Variants in RAB11FIP4 observed in about 807,000 individuals in gnomAD.
RAB11FIP4 encodes the protein RAB11 family interacting protein 4.
A neutral mutation model predicts 74.3 loss-of-function variants in RAB11FIP4; 23 were observed. The observed-to-expected ratio is 0.31, with a 90% CI of 0.22 to 0.44. The LOEUF is 0.44. Among genes scored for constraint, RAB11FIP4 ranks in the 20% least tolerant of loss-of-function variants. The pLI is 1.00. For synonymous variants in RAB11FIP4, 360 were observed against 359.9 expected (o/e 1.00, Z 0.00); for missense variants, 630 against 863.9 (o/e 0.73, Z 3.39).
chr17:31,506,225 TGTG>T (rs1381127638), intron 3 of RAB11FIP4, among the ~76,000 whole-genome samples: 1 of 152,250 alleles, frequency 6.6e-6, no homozygotes, highest in African/African-American at 2.4e-5. Flanking sequence ...GTATTACTGA[TGTG>T]GTAGAGTTTT....
intron 10 of RAB11FIP4, 81 bp from the exon 11 acceptor site, chr17:31,527,761 G>A (rs2072792224): frequency 1.0e-6 from 1 of 983,038 alleles, no homozygotes; most frequent in Non-Finnish European, 1.5e-6. Context: ...GGAGGAAGCA[G>A]AGAATCACTG....
chr17:31,498,139 A>G (rs530121836), intron 3 of RAB11FIP4, among the ~76,000 whole-genome samples: 3 of 152,162 alleles, frequency 2.0e-5, no homozygotes, highest in South Asian at 2.1e-4. Flanking sequence ...GGAGCTCACA[A>G]GCTCTTAGAG....
chr17:31,491,076 G>A (rs1193308366), intron 3 of RAB11FIP4, among the ~76,000 whole-genome samples: 1 of 152,146 alleles, frequency 6.6e-6, no homozygotes, highest in Admixed American at 6.5e-5. Flanking sequence ...CTGGATTATT[G>A]GGTGGTCCCA....
chr17:31,416,161 C>T (rs1023352825), intron 1 of RAB11FIP4, among the ~76,000 whole-genome samples: 1 of 152,202 alleles, frequency 6.6e-6, no homozygotes, highest in Non-Finnish European at 1.5e-5. Flanking sequence ...TCTTGAAATT[C>T]GTGGTAATGT....
At chr17:31,445,571 T>C (rs1567658364) in intron 3 of RAB11FIP4, among the ~76,000 whole-genome samples, 4 of 11,372 alleles carry the variant, frequency 3.5e-4, no homozygotes, top group African/African-American at 1.4e-3. Flanking sequence ...TATATATATA[T>C]ATATATATTT....
At chr17:31,445,391 G>T (rs1450954025) in intron 3 of RAB11FIP4, among the ~76,000 whole-genome samples, 1 of 151,320 alleles carries the variant, frequency 6.6e-6, no homozygotes, top group African/African-American at 2.4e-5. Context: ...TTGCGGACAT[G>T]ACACTTCATC....
chr17:31,414,801 G>A lies in RAB11FIP4; in HGVS notation c.160-17012G>A, dbSNP rs900070534. Among the ~76,000 whole-genome samples the A allele has an allele frequency of 6.6e-5, 10 of 152,346 alleles. 1 individual carries two copies. Among genetic ancestry groups the A allele is most frequent in the African/African-American group, 1.9e-4 (8 of 41,578 alleles). On this transcript the variant is annotated intron_variant, in intron 1 of 14. Transcript: ENST00000621161. ...TATCCCAGTGGGTCCCTGAGGCGGG[G>A]TCCTTCATTGGGCAGGGGCCCTCCA...
chr17:31,459,495 T>C (rs976270107), intron 3 of RAB11FIP4, among the ~76,000 whole-genome samples: 4 of 151,946 alleles, frequency 2.6e-5, no homozygotes, highest in African/African-American at 9.7e-5. Context: ...ATTATTATTA[T>C]TATTATTATT....
chr17:31,461,905 A>T (rs1235024718), intron 3 of RAB11FIP4, among the ~76,000 whole-genome samples: 1 of 152,148 alleles, frequency 6.6e-6, no homozygotes, highest in African/African-American at 2.4e-5. Flanking sequence ...AAAGTTTGAG[A>T]CACACTTTTG....
chr17:31,496,991 A>G lies in RAB11FIP4; in HGVS notation c.337-20660A>G, dbSNP rs77585528. 5.3e-3 allele frequency among the ~76,000 whole-genome samples: 803 copies of G among 152,338 alleles called. 5 individuals are homozygous for G. Among genetic ancestry groups the G allele is most frequent in the African/African-American group, 0.018 (752 of 41,574 alleles). ...CTTGAACCTGTGTATTCTCATCTAA[A>G]TAGTGGCTGATGCACAGAAATACCT... On this transcript the variant is annotated intron_variant, in intron 3 of 14. Coordinates refer to ENST00000621161, the MANE Select transcript of RAB11FIP4 (RefSeq NM_032932.6).
At chr17:31,430,352 ATTTT>A (rs56078412) in intron 1 of RAB11FIP4, among the ~76,000 whole-genome samples, 9 of 111,758 alleles carry the variant, frequency 8.1e-5, no homozygotes, top group South Asian at 2.9e-4. Flanking sequence ...TGGAGTTTGG[ATTTT>A]TTTTTTTTTT....
chr17:31,454,167 A>T (rs1487346014), intron 3 of RAB11FIP4, among the ~76,000 whole-genome samples: 1 of 152,248 alleles, frequency 6.6e-6, no homozygotes, highest in Non-Finnish European at 1.5e-5. Context: ...AAATGCTCCA[A>T]CATTGTATTA....
intron 4 of RAB11FIP4, among the ~76,000 whole-genome samples, chr17:31,520,608 C>T (rs961496069): frequency 6.6e-6 from 1 of 152,080 alleles, no homozygotes; most frequent in African/African-American, 2.4e-5. Context: ...CCCGGGTTCA[C>T]GCCATTCTCC....
At chr17:31,476,982 TAA>T (rs1296379983) in intron 3 of RAB11FIP4, among the ~76,000 whole-genome samples, 1 of 152,230 alleles carries the variant, frequency 6.6e-6, no homozygotes, top group African/African-American at 2.4e-5. Context: ...ATTCAGGGGA[TAA>T]ACTTGGGCAG....
At chr17:31,399,935 C>T (rs2070968781) in intron 1 of RAB11FIP4, among the ~76,000 whole-genome samples, 1 of 144,970 alleles carries the variant, frequency 6.9e-6, no homozygotes, top group African/African-American at 2.6e-5. Context: ...CTCAGCTACT[C>T]GGGAGGCTGA....
chr17:31,523,689 C>G, intron 8 of RAB11FIP4, 78 bp downstream of exon 8: 1 of 1,414,478 alleles, frequency 7.1e-7, no homozygotes, highest in Non-Finnish European at 1.0e-6. Flanking sequence ...AGGCTACTGT[C>G]TGGGGACTTG....
At chr17:31,412,256 T>A (rs1299766175) in intron 1 of RAB11FIP4, among the ~76,000 whole-genome samples, 2 of 152,186 alleles carry the variant, frequency 1.3e-5, no homozygotes, top group Non-Finnish European at 2.9e-5. Context: ...TTTAATGTCC[T>A]GTGCAAGGGA....
rs546700375 is a variant in RAB11FIP4 at position 31,399,725 on chromosome 17, T to C, written c.159+7714T>C. Reference sequence around the variant, plus strand: ...GAGACTCAGTCTCAAAAAATAAAAATAAATACATAAATACAAATAAAAAAT... The same window carrying C: ...GAGACTCAGTCTCAAAAAATAAAAACAAATACATAAATACAAATAAAAAAT... On this transcript the variant is annotated intron_variant, in intron 1 of 14. Transcript: ENST00000621161. Among the ~76,000 whole-genome samples the C allele has an allele frequency of 2.8e-5, 4 of 141,686 alleles. No homozygotes were observed. The South Asian group carries it at 6.7e-4, about 24-fold the overall frequency. 93.0% of individuals were successfully genotyped at this position (141,686 alleles called of 152,430 possible). A position where few individuals can be genotyped will look rare whatever the true frequency, so the allele number is the denominator to read the frequency against.
At chr17:31,468,782 A>T (rs887099421) in intron 3 of RAB11FIP4, among the ~76,000 whole-genome samples, 2 of 151,912 alleles carry the variant, frequency 1.3e-5, no homozygotes, top group Non-Finnish European at 2.9e-5. Context: ...GTGAGCCAAG[A>T]TCGCACCACT....
Sources: gnomAD v4.1 joint callset for allele counts (sites outside exome capture counted in the v4.1 genomes callset) on GRCh38, gnomAD v4.1.1 for gene constraint, MANE v1.5 for transcripts, NCBI Gene and HGNC (gene_info 2026-07-23, HGNC 2026-07-21) for gene names.